Variants in PRC1 observed in about 807,000 individuals in gnomAD.
PRC1 encodes protein regulator of cytokinesis 1, also known as anaphase spindle elongation 1 homolog.
Under a neutral mutation model 91.2 loss-of-function variants are expected in PRC1, and 54 were observed. The observed-to-expected ratio is 0.59, with a 90% confidence interval of 0.48 to 0.74. The LOEUF is 0.74. PRC1 is among the 30% of genes least tolerant of loss of function. The pLI, the probability that PRC1 is intolerant of heterozygous loss-of-function variation, is 0.00. For missense variants in PRC1, 727 were observed against 746.2 expected, an observed-to-expected ratio of 0.97 and a Z score of 0.30; for synonymous variants, 275 against 263.6, an observed-to-expected ratio of 1.04 and a Z score of -0.42.
chr15:90,994,238 T>G (rs574676214), intron 1 of PRC1, among the ~76,000 whole-genome samples, 169 bp downstream of exon 1: 1 of 152,148 alleles, frequency 6.6e-6, no homozygotes, highest in South Asian at 2.1e-4. Context: ...TCGCACTGGC[T>G]CGCCGCCTCC....
At position 90,967,139 on chromosome 15, in the gene PRC1, G is replaced by C; in HGVS notation, c.1855C>G (p.Gln619Glu). Residue 619 changes from glutamine to glutamate, a missense_variant, in exon 15 of 15, where the codon CAG (glutamine) becomes GAG (glutamate). Coordinates refer to ENST00000394249, the MANE Select transcript of PRC1 (RefSeq NM_003981.4). ...TSGILNSTNI[Q>E]S Reference sequence around the variant, plus strand: ...TGACTGATCAGGGCTTCTCAGGACTGGATGTTGGTTGAATTGAGGATTCCA... The same window carrying C: ...TGACTGATCAGGGCTTCTCAGGACTCGATGTTGGTTGAATTGAGGATTCCA... 6.2e-7 allele frequency: 1 copy of C among 1,613,686 alleles called. No homozygotes were observed. Among genetic ancestry groups the C allele is most frequent in the Non-Finnish European group, 8.5e-7 (1 of 1,179,576 alleles).
Position 90,974,867 on chromosome 15 carries a change from G to A in PRC1, c.1204-136C>T. 2 of 1,001,360 alleles carry A rather than the reference G, an allele frequency of 2.0e-6. No individual in the cohort carries two copies. The highest frequency in any genetic ancestry group is 1.5e-5 in the South Asian group (1 of 68,822). 62.0% of individuals were successfully genotyped at this position (1,001,360 alleles called of 1,614,324 possible). On this transcript the variant is annotated intron_variant, in intron 9 of 14. Transcript: ENST00000394249. The surrounding 1 kb of genome is among the most constrained non-coding windows in gnomAD (Gnocchi z 4.6). ...ATTTCAGGTAGCTGGGCCCACATGG[G>A]TACAGGTCAGAGTGACCAGAAATCA... is the stretch of plus-strand genomic sequence containing the variant.
chr15:90,978,057 C>A (rs931035998), intron 8 of PRC1, among the ~76,000 whole-genome samples: 2 of 152,088 alleles, frequency 1.3e-5, no homozygotes, highest in African/African-American at 4.8e-5. Context: ...CTCTGAAGGC[C>A]CTCTGAGCTC....
rs764805763 is a variant in PRC1 at position 90,983,988 on chromosome 15, T to C, written c.267+30A>G. On this transcript the variant is annotated intron_variant, in intron 3 of 14. Transcript: ENST00000394249. The stretch of plus-strand genomic sequence containing the variant: ...TTCTAAGTCTCAGGCCCCAGACAGA[T>C]CACCAGAGACCCTGTGGGCTGCCAC... 5 of 1,612,034 alleles carry C rather than the reference T, an allele frequency of 3.1e-6. No homozygotes were observed. The Admixed American group carries it at 8.3e-5, about 27-fold the overall frequency.
At chr15:90,970,972 A>G (rs2038069621) in intron 11 of PRC1, among the ~76,000 whole-genome samples, 1 of 152,256 alleles carries the variant, frequency 6.6e-6, no homozygotes, top group Non-Finnish European at 1.5e-5. Context: ...AATAAAAAGG[A>G]GTGACCTTTT....
Position 90,966,317 on chromosome 15 carries a change from CAT to C in PRC1, c.*812_*813del. 1 of 280,632 alleles carries C rather than the reference CAT, an allele frequency of 3.6e-6. No individual in the cohort carries two copies. The highest frequency in any genetic ancestry group is 3.2e-5 in the South Asian group (1 of 31,572). The allele number at this position is 280,632 out of a possible 1,614,324, so 17.4% of individuals were successfully genotyped here. On this transcript the variant is annotated 3_prime_UTR_variant, in exon 15 of 15. Coordinates refer to ENST00000394249, the MANE Select transcript of PRC1 (RefSeq NM_003981.4). The stretch of plus-strand genomic sequence containing the variant: ...AGCAGGAACACCTCCCCAGTAGTGA[CAT>C]GTGCAAAGTTCCAGATCTCCACGAC...
intron 14 of PRC1, chr15:90,968,657 G>A (rs768796509): frequency 5.9e-6 from 6 of 1,012,938 alleles, no homozygotes; most frequent in Non-Finnish European, 7.1e-6. Flanking sequence ...TGGCGGTTAA[G>A]CCCTGAGGGG....
In PRC1 at chr15:90,987,793, C is replaced by A. The variant is rs548276942; in HGVS notation, c.12-2968G>T. 17 of 152,342 alleles carry A rather than the reference C, an allele frequency of 1.1e-4. 1 individual carries two copies. Among genetic ancestry groups the A allele is most frequent in the African/African-American group, 3.1e-4 (13 of 41,574 alleles). 9.4% of individuals were successfully genotyped at this position (152,342 alleles called of 1,614,324 possible). A position where few individuals can be genotyped will look rare whatever the true frequency, so the allele number is the denominator to read the frequency against. The stretch of plus-strand genomic sequence containing the variant: ...ACTAGAGACTTTCATTAGCCCCTTT[C>A]TGTCTCAGAGCTTTCGGTGGTTCTA... On this transcript the variant is annotated intron_variant, in intron 1 of 14. Transcript: ENST00000394249.
chr15:90,987,727 A>C (rs916762490), intron 1 of PRC1: 8 of 152,126 alleles, frequency 5.3e-5, no homozygotes, highest in African/African-American at 1.9e-4. Flanking sequence ...CAAATCACCT[A>C]AACACTTAAG....
chr15:90,975,316 C>T (rs1374426984), intron 9 of PRC1, among the ~76,000 whole-genome samples: 1 of 152,096 alleles, frequency 6.6e-6, no homozygotes. Context: ...GTTGGCCAGG[C>T]TGGTCTCGAA....
chr15:90,987,046 G>A (rs1357841114), intron 1 of PRC1, among the ~76,000 whole-genome samples: 1 of 149,870 alleles, frequency 6.7e-6, no homozygotes, highest in East Asian at 2.0e-4. Flanking sequence ...GGCCGAGGCA[G>A]GAAAACTGTT....
intron 7 of PRC1, among the ~76,000 whole-genome samples, chr15:90,979,938 C>T (rs886286493): frequency 6.6e-6 from 1 of 152,186 alleles, no homozygotes; most frequent in African/African-American, 2.4e-5. Flanking sequence ...AAGCAAGAGA[C>T]CAATATTTCC....
In PRC1 at chr15:90,974,617, G is replaced by C. The variant is rs756281995; in HGVS notation, c.1318C>G (p.Arg440Gly). 72 of 1,614,112 alleles carry C rather than the reference G, an allele frequency of 4.5e-5. No individual in the cohort carries two copies. The East Asian group carries it at 5.6e-4, about 12-fold the overall frequency. The change falls in exon 10 of 15, where the codon CGA (arginine) becomes GGA (glycine). Residue 440 changes from arginine to glycine, a missense_variant. Coordinates refer to ENST00000394249, the MANE Select transcript of PRC1 (RefSeq NM_003981.4). The surrounding 1 kb of genome is among the most constrained non-coding windows in gnomAD (Gnocchi z 4.6). ...TGCTTGGCTCTCTCTTTCTCCAATCGATGCATCTCCCATTGTTCTGCCACA... is the reference window on the plus strand; with the variant it reads ...TGCTTGGCTCTCTCTTTCTCCAATCCATGCATCTCCCATTGTTCTGCCACA... ...EYVAEQWEMH[R>G]LEKERAKQER...
rs753861023 is a variant in PRC1 at position 90,969,510 on chromosome 15, G to C, written c.1686C>G (p.Gly562=). The C allele has an allele frequency of 6.2e-7, 1 of 1,613,400 alleles. No individual in the cohort carries two copies. Among genetic ancestry groups the C allele is most frequent in the South Asian group, 1.1e-5 (1 of 91,036 alleles). The part of the protein sequence containing the change: ...NGSILSGGYP[G]SAPLQRNFSI... ...TGAAGTTGCGCTGGAGGGGGGCCGAGCCAGGGTACCCACCACTCAGGATGC... is the reference window on the plus strand; with the variant it reads ...TGAAGTTGCGCTGGAGGGGGGCCGACCCAGGGTACCCACCACTCAGGATGC... Residue 562 remains glycine, a synonymous_variant, in exon 13 of 15, where the codon GGC becomes GGG. Transcript: ENST00000394249.
At chr15:90,970,273 T>C in intron 12 of PRC1, 131 bp downstream of exon 12, 1 of 702,242 alleles carries the variant, frequency 1.4e-6, no homozygotes, top group African/African-American at 1.8e-5. Context: ...CTAGCTTATA[T>C]CTGTCAACTC....
rs201583559 is a variant in PRC1 at position 90,980,248 on chromosome 15, A to T, written c.964T>A (p.Cys322Ser). The T allele has an allele frequency of 6.2e-7, 1 of 1,611,138 alleles. No individual in the cohort carries two copies. The highest frequency in any genetic ancestry group is 1.7e-5 in the Admixed American group (1 of 58,990). ...QEQRQAFAPFCAEDYTESLLQ... is the reference protein window; with the variant it reads ...QEQRQAFAPFSAEDYTESLLQ... ...ACCTCACTCTTGTACTAACCAGCAC[A>T]GAAAGGGGCAAAAGCTTGTCTCTGC... Residue 322 changes from cysteine to serine, a missense_variant, in exon 7 of 15, where the codon TGT (cysteine) becomes AGT (serine). Physicochemically the swap from Cys to Ser is moderately radical, Grantham distance 112 (BLOSUM62 -1). Coordinates refer to ENST00000394249, the MANE Select transcript of PRC1 (RefSeq NM_003981.4).
intron 11 of PRC1, among the ~76,000 whole-genome samples, chr15:90,971,935 C>T (rs1012825955): frequency 2.0e-5 from 3 of 151,756 alleles, no homozygotes; most frequent in African/African-American, 4.8e-5. Context: ...GGCTGAGGCA[C>T]GAGAATCACT....
Position 90,994,525 on chromosome 15 carries a change from C to T in PRC1, c.-108G>A, listed in dbSNP as rs1596341897. 1.4e-6 allele frequency: 2 copies of T among 1,401,518 alleles called. No homozygotes were observed. Among genetic ancestry groups the T allele is most frequent in the Admixed American group, 2.4e-5 (1 of 42,380 alleles). The allele number at this position is 1,401,518 out of a possible 1,614,324, so 86.8% of individuals were successfully genotyped here. A position where few individuals can be genotyped will look rare whatever the true frequency, so the allele number is the denominator to read the frequency against. ...GCGATGTCACTCCGCGTAGCCGCTC[C>T]GCGAGCCGTTGAGCCCCGCAAAATT... On this transcript the variant is annotated 5_prime_UTR_variant, in exon 1 of 15. Coordinates refer to ENST00000394249, the MANE Select transcript of PRC1 (RefSeq NM_003981.4).
intron 11 of PRC1, 40 bp from the exon 12 acceptor site, chr15:90,970,554 A>G (rs1236153118): frequency 1.4e-6 from 2 of 1,392,706 alleles, no homozygotes; most frequent in African/African-American, 1.4e-5. Context: ...GTGCAGTAAC[A>G]TCCTCAGCAT....
Sources: allele counts gnomAD v4.1 joint callset (sites outside exome capture counted in the v4.1 genomes callset), GRCh38; gene constraint gnomAD v4.1.1; non-coding constraint Gnocchi (gnomAD v3.1); transcripts MANE v1.5; gene names NCBI Gene and HGNC (gene_info 2026-07-23, HGNC 2026-07-21).